GABRA4: variants seen among roughly 807,000 people sequenced by gnomAD.
GABRA4 encodes the protein gamma-aminobutyric acid receptor subunit alpha-4.
In GABRA4, 12 loss-of-function variants were observed where a neutral mutation model predicts 49.7. The observed-to-expected ratio is 0.24, with a 90% confidence interval of 0.15 to 0.39. GABRA4 has a LOEUF of 0.39. Ranked by LOEUF, GABRA4 falls within the 10% of genes least tolerant of loss-of-function variation. GABRA4 has a pLI of 1.00. For missense variants in GABRA4, 506 were observed against 686.0 expected (o/e 0.74, Z 2.93); for synonymous variants, 288 against 240.2 (o/e 1.20, Z -1.84).
chr4:46,921,777 C>G lies in GABRA4; in HGVS notation c.*6448G>C, dbSNP rs1721044489. The G allele has an allele frequency of 6.6e-6, 1 of 151,514 alleles. No individual in the cohort carries two copies. The highest frequency in any genetic ancestry group is 1.5e-5 in the Non-Finnish European group (1 of 67,858). 9.4% of individuals were successfully genotyped at this position (151,514 alleles called of 1,614,324 possible). A position where few individuals can be genotyped will look rare whatever the true frequency, so the allele number is the denominator to read the frequency against. On this transcript the variant is annotated 3_prime_UTR_variant, in exon 9 of 9. Transcript: ENST00000264318. ...CACCTAAGACAGTCTCCAAAAATAA[C>G]ATAATGAAAAATTGAGAAAAAAAAA...
At chr4:46,947,809 T>C (rs1332036950) in intron 8 of GABRA4, among the ~76,000 whole-genome samples, 1 of 152,062 alleles carries the variant, frequency 6.6e-6, no homozygotes, top group Non-Finnish European at 1.5e-5. Flanking sequence ...AAATCTCCCC[T>C]AAACATAGTG....
intron 8 of GABRA4, among the ~76,000 whole-genome samples, chr4:46,933,589 A>G (rs1721513960): frequency 6.6e-6 from 1 of 152,188 alleles, no homozygotes; most frequent in Non-Finnish European, 1.5e-5. Flanking sequence ...TGTTAAAAGT[A>G]GTCATTTTCC....
intron 8 of GABRA4, among the ~76,000 whole-genome samples, chr4:46,940,911 T>C (rs925415281): frequency 6.6e-6 from 1 of 152,108 alleles, no homozygotes; most frequent in Non-Finnish European, 1.5e-5. Flanking sequence ...AAAGTGAAAC[T>C]TTTTTTAACT....
In GABRA4 at chr4:46,977,198, CTT is replaced by C; in HGVS notation, c.495-57_495-56del. On this transcript the variant is annotated intron_variant, in intron 4 of 8. Coordinates refer to ENST00000264318, the MANE Select transcript of GABRA4 (RefSeq NM_000809.4). ...CAACCCTTTTAAAGAATAATTGTGACTTTAGATTCTAAAATAGGAAGGAAGGG... is the reference window on the plus strand; with the variant it reads ...CAACCCTTTTAAAGAATAATTGTGACTAGATTCTAAAATAGGAAGGAAGGG... The C allele has an allele frequency of 2.6e-6, 3 of 1,139,676 alleles. No homozygotes were observed. In the Admixed American group the frequency reaches 6.4e-5, roughly 24 times the overall value. 70.6% of individuals were successfully genotyped at this position (1,139,676 alleles called of 1,614,324 possible).
intron 1 of GABRA4, 140 bp downstream of exon 1, chr4:46,993,199 G>A: frequency 1.3e-6 from 1 of 799,816 alleles, no homozygotes; most frequent in Non-Finnish European, 2.1e-6. Context: ...TCACAGAAAA[G>A]CCTGGCTTCG....
chr4:46,948,601 A>G (rs371218427), intron 8 of GABRA4, among the ~76,000 whole-genome samples: 44 of 152,212 alleles, frequency 2.9e-4, no homozygotes, highest in African/African-American at 1.0e-3. Flanking sequence ...TGCACTACAC[A>G]GTACTGAATT....
chr4:46,922,996 T>G lies in GABRA4; in HGVS notation c.*5229A>C, dbSNP rs1721091523. On this transcript the variant is annotated 3_prime_UTR_variant, in exon 9 of 9. Transcript: ENST00000264318. Reference sequence around the variant, plus strand: ...TGTCAGATTAGCGGCGGCATTAGATTCTCATAGGAGGGCATGCAAGGTTGT... The same window carrying G: ...TGTCAGATTAGCGGCGGCATTAGATGCTCATAGGAGGGCATGCAAGGTTGT... The G allele has an allele frequency of 6.6e-6, 1 of 152,070 alleles. No individual in the cohort carries two copies. The highest frequency in any genetic ancestry group is 2.4e-5 in the African/African-American group (1 of 41,406). The allele number at this position is 152,070 out of a possible 1,614,324, so 9.4% of individuals were successfully genotyped here.
chr4:46,936,400 C>T (rs1303631225), intron 8 of GABRA4, among the ~76,000 whole-genome samples: 1 of 152,162 alleles, frequency 6.6e-6, no homozygotes, highest in Non-Finnish European at 1.5e-5. Context: ...CGGGCATGTG[C>T]CACCACACCC....
intron 2 of GABRA4, among the ~76,000 whole-genome samples, chr4:46,988,358 G>T (rs2109408344): frequency 6.6e-6 from 1 of 152,188 alleles, no homozygotes; most frequent in East Asian, 1.9e-4. Context: ...CATTTTTCCT[G>T]ACATACAGTG....
chr4:46,979,135 T>A (rs1201636995), intron 2 of GABRA4, 37 bp from the exon 3 acceptor site: 11 of 1,260,882 alleles, frequency 8.7e-6, no homozygotes, highest in Non-Finnish European at 1.2e-5. Flanking sequence ...GAAAAAATAA[T>A]TACCAATTTT....
intron 2 of GABRA4, among the ~76,000 whole-genome samples, chr4:46,980,044 A>G (rs925775799): frequency 1.1e-4 from 17 of 152,080 alleles, no homozygotes; most frequent in East Asian, 1.9e-4. Context: ...TGGTTCTAAC[A>G]TCTTCTAGTA....
At chr4:46,974,488 G>T (rs1723066875) in intron 5 of GABRA4, 113 bp from the exon 6 acceptor site, 2 of 1,022,684 alleles carry the variant, frequency 2.0e-6, no homozygotes, top group African/African-American at 1.6e-5. Flanking sequence ...TGAAAACAAT[G>T]TTCACTATAA....
chr4:46,928,369 A>G lies in GABRA4; in HGVS notation c.1521T>C (p.Ala507=), dbSNP rs1721308102. 1 of 1,613,590 alleles carries G rather than the reference A, an allele frequency of 6.2e-7. No individual in the cohort carries two copies. Among genetic ancestry groups the G allele is most frequent in the African/African-American group, 1.3e-5 (1 of 74,900 alleles). ...GKLSATPPPS[A]PPPSGSGTSK... ...TTGTGCCAGATCCAGAAGGTGGTGG[A>G]GCCGATGGAGGAGGAGTAGCTGACA... is the stretch of plus-strand genomic sequence containing the variant. The change falls in exon 9 of 9, where the codon GCT becomes GCC. Residue 507 remains alanine, a synonymous_variant. Coordinates refer to ENST00000264318, the MANE Select transcript of GABRA4 (RefSeq NM_000809.4).
chr4:46,963,836 A>G (rs1450321139), intron 8 of GABRA4, among the ~76,000 whole-genome samples: 3 of 151,822 alleles, frequency 2.0e-5, no homozygotes, highest in East Asian at 3.9e-4. Context: ...TACAACCACT[A>G]TGGAGAACAG....
At chr4:46,944,249 T>A (rs1213006675) in intron 8 of GABRA4, among the ~76,000 whole-genome samples, 1 of 152,144 alleles carries the variant, frequency 6.6e-6, no homozygotes, top group Non-Finnish European at 1.5e-5. Flanking sequence ...ACCTTAAATA[T>A]ATACATTTTC....
Position 46,928,180 on chromosome 4 carries a change from T to G in GABRA4, c.*45A>C, listed in dbSNP as rs1721299207. 1 of 1,411,090 alleles carries G rather than the reference T, an allele frequency of 7.1e-7. No homozygotes were observed. Among genetic ancestry groups the G allele is most frequent in the African/African-American group, 1.4e-5 (1 of 69,536 alleles). The allele number at this position is 1,411,090 out of a possible 1,614,324, so 87.4% of individuals were successfully genotyped here. ...ATATTTAAAAACATTTAAAAAGACA[T>G]TCTGCATTTTCATCATCTTTTAGCA... On this transcript the variant is annotated 3_prime_UTR_variant, in exon 9 of 9. Coordinates refer to ENST00000264318, the MANE Select transcript of GABRA4 (RefSeq NM_000809.4).
chr4:46,929,047 G>A (rs1381998094), intron 8 of GABRA4, among the ~76,000 whole-genome samples: 1 of 151,962 alleles, frequency 6.6e-6, no homozygotes, highest in African/African-American at 2.4e-5. Context: ...TACAAGCTGA[G>A]GTCATGCTTA....
chr4:46,932,202 A>G (rs1464253712), intron 8 of GABRA4, among the ~76,000 whole-genome samples: 1 of 152,118 alleles, frequency 6.6e-6, no homozygotes, highest in Non-Finnish European at 1.5e-5. Flanking sequence ...AAGGACCAAC[A>G]TATTTTGCCC....
At chr4:46,939,378 A>G (rs1721714422) in intron 8 of GABRA4, among the ~76,000 whole-genome samples, 1 of 152,054 alleles carries the variant, frequency 6.6e-6, no homozygotes, top group South Asian at 2.1e-4. Flanking sequence ...AATATGGGCC[A>G]GGCACTACCC....
Sources: gnomAD v4.1 joint callset for allele counts (sites outside exome capture counted in the v4.1 genomes callset) on GRCh38, gnomAD v4.1.1 for gene constraint, MANE v1.5 for transcripts, NCBI Gene and HGNC (gene_info 2026-07-23, HGNC 2026-07-21) for gene names.